The following ZNF469 variants were observed in gnomAD, a reference collection of about 807,000 sequenced individuals.
ZNF469 encodes zinc finger protein 469.
In ZNF469, 1 loss-of-function variant was observed where a neutral mutation model predicts 1.0. The observed-to-expected ratio is 1.00, with a 90% CI of 0.35 to 4.73. The LOEUF is 4.73. Ranked by LOEUF, ZNF469 falls within the 30% of genes most tolerant of loss-of-function variation. The probability of loss-of-function intolerance (pLI) is 0.16; values close to 1 mark genes in which losing one functional copy is unlikely to be tolerated. For missense variants in ZNF469, 6,100 were observed against 5,356.3 expected (o/e 1.14, Z -4.33); for synonymous variants, 2,703 against 2,363.4 (o/e 1.14, Z -4.17).
the ZNF469 span, among the ~76,000 whole-genome samples, chr16:88,332,969 AG>A: frequency 6.6e-6 from 1 of 152,108 alleles, no homozygotes; most frequent in African/African-American, 2.4e-5. Context: ...TGTCCCCAGG[AG>A]CCACGTCCCT....
At position 88,435,630 on chromosome 16, in the gene ZNF469, G is replaced by C; in HGVS notation, c.8160G>C (p.Gly2720=). The C allele has an allele frequency of 6.4e-7, 1 of 1,550,426 alleles. No individual in the cohort carries two copies. The highest frequency in any genetic ancestry group is 8.7e-7 in the Non-Finnish European group (1 of 1,146,996). Residue 2720 remains glycine (G), a synonymous_variant, in exon 3 of 3, where the codon GGG becomes GGC. Transcript: ENST00000565624. ...AGGCTCTGTGTGCAGGGGAGACTGG[G>C]GCCCAGAAGCCACCTGGAGATCGGA... The part of the protein sequence containing the change: ...DQEALCAGET[G]AQKPPGDRML...
chr16:88,367,643 C>G, the ZNF469 span, among the ~76,000 whole-genome samples: 34 of 152,328 alleles, frequency 2.2e-4, no homozygotes, highest in South Asian at 6.6e-3. Context: ...TGTGAGTGTT[C>G]TGTGTGCTGG....
the ZNF469 span, among the ~76,000 whole-genome samples, chr16:88,240,509 G>C: frequency 0.15 from 23,516 of 152,110 alleles, 1,968 homozygotes; most frequent in South Asian, 0.29. Context: ...TGCCCACCAG[G>C]TGCAAGAATT....
the ZNF469 span, among the ~76,000 whole-genome samples, chr16:88,256,590 G>T: frequency 6.6e-6 from 1 of 152,262 alleles, no homozygotes; most frequent in South Asian, 2.1e-4. Context: ...TTACTGGGTG[G>T]TATGGTAAGA....
chr16:88,225,871 G>C, the ZNF469 span, among the ~76,000 whole-genome samples: 1 of 152,176 alleles, frequency 6.6e-6, no homozygotes, highest in Non-Finnish European at 1.5e-5. Context: ...CTTAGTCTCG[G>C]GTGTTTTGTT....
At chr16:88,392,271 C>T (rs1409611449) in intron 1 of ZNF469, among the ~76,000 whole-genome samples, 18 of 152,264 alleles carry the variant, frequency 1.2e-4, no homozygotes, top group Non-Finnish European at 1.0e-4. Flanking sequence ...CGCTCCGTGG[C>T]CACGTATGCC....
the ZNF469 span, among the ~76,000 whole-genome samples, chr16:88,319,085 G>C: frequency 6.6e-6 from 1 of 152,188 alleles, no homozygotes; most frequent in Non-Finnish European, 1.5e-5. Flanking sequence ...GGGCAGGATG[G>C]GACTCTGCCT....
chr16:88,343,419 G>C, the ZNF469 span, among the ~76,000 whole-genome samples: 1 of 152,196 alleles, frequency 6.6e-6, no homozygotes, highest in African/African-American at 2.4e-5. Context: ...AAGTAGCACA[G>C]AGCCGCCCGC....
the ZNF469 span, among the ~76,000 whole-genome samples, chr16:88,266,538 A>C: frequency 6.6e-6 from 1 of 152,238 alleles, no homozygotes; most frequent in South Asian, 2.1e-4. Flanking sequence ...TTTGGGAAGA[A>C]AGGATTGCAT....
At chr16:88,413,888 GGCAGGTGCCATGGAA>G (rs1905240144) in intron 1 of ZNF469, among the ~76,000 whole-genome samples, 1 of 152,196 alleles carries the variant, frequency 6.6e-6, no homozygotes, top group African/African-American at 2.4e-5. Context: ...GTGCCATGGA[GGCAGGTGCCATGGAA>G]GCAGGCGCTA....
the ZNF469 span, among the ~76,000 whole-genome samples, chr16:88,373,320 C>T: frequency 1.3e-5 from 2 of 152,158 alleles, no homozygotes; most frequent in African/African-American, 2.4e-5. Flanking sequence ...CATTGTGTGA[C>T]AGGATGTGTT....
chr16:88,377,432 G>T, the ZNF469 span, among the ~76,000 whole-genome samples: 2 of 152,178 alleles, frequency 1.3e-5, no homozygotes, highest in Non-Finnish European at 2.9e-5. Context: ...GGGGGTGTGT[G>T]CCTGTGCCCC....
At chr16:88,137,738 G>A in the ZNF469 span, among the ~76,000 whole-genome samples, 303 of 152,338 alleles carry the variant, frequency 2.0e-3, 5 homozygotes, top group African/African-American at 7.0e-3. Context: ...AGACAGCCAA[G>A]GGGTTATTGT....
At chr16:88,160,973 T>A in the ZNF469 span, among the ~76,000 whole-genome samples, 10 of 152,296 alleles carry the variant, frequency 6.6e-5, no homozygotes, top group African/African-American at 2.4e-4. Context: ...CAAAACAATG[T>A]CTCTATATTA....
the ZNF469 span, among the ~76,000 whole-genome samples, chr16:88,105,747 G>A: frequency 1.1e-4 from 17 of 152,218 alleles, no homozygotes; most frequent in African/African-American, 3.6e-4. Context: ...CCTGGTGGGA[G>A]CTCGGTAGTT....
the ZNF469 span, among the ~76,000 whole-genome samples, chr16:88,309,776 G>A: frequency 0.069 from 10,470 of 152,182 alleles, 543 homozygotes; most frequent in East Asian, 0.16. Flanking sequence ...TCGGTGCCAG[G>A]GAGTGTGGTT....
At chr16:88,202,945 C>T in the ZNF469 span, among the ~76,000 whole-genome samples, 7 of 152,212 alleles carry the variant, frequency 4.6e-5, no homozygotes, top group Admixed American at 2.0e-4. Context: ...AGCCGATGCC[C>T]TGTCCTTTGC....
the ZNF469 span, among the ~76,000 whole-genome samples, chr16:88,318,563 G>A: frequency 6.6e-6 from 1 of 152,234 alleles, no homozygotes; most frequent in East Asian, 1.9e-4. Context: ...GGGCAGGAGT[G>A]GGGTGGGGGA....
chr16:88,364,489 CAAAAAAAAAAAA>C, the ZNF469 span, among the ~76,000 whole-genome samples: 4 of 56,142 alleles, frequency 7.1e-5, no homozygotes, highest in Admixed American at 4.0e-4. Context: ...TGTTGATTTC[CAAAAAAAAAAAA>C]AAAAAAAAAA....
Sources: allele counts gnomAD v4.1 joint callset (sites outside exome capture counted in the v4.1 genomes callset), GRCh38; gene constraint gnomAD v4.1.1; transcripts MANE v1.5; gene names NCBI Gene and HGNC (gene_info 2026-07-23, HGNC 2026-07-21).